POT1: variants seen among roughly 807,000 people sequenced by gnomAD.
POT1 encodes the protein protection of telomeres 1, also known as protection of telomeres protein 1.
POT1 carries 47 observed loss-of-function variants against 78.5 expected under a neutral mutation model. That is an observed-to-expected ratio of 0.60 (90% confidence interval 0.47 to 0.76). The LOEUF is 0.76. Ranked by LOEUF, POT1 falls within the 30% of genes least tolerant of loss-of-function variation. The probability of loss-of-function intolerance (pLI) is 0.00; values close to 1 mark genes in which losing one functional copy is unlikely to be tolerated. For missense variants in POT1, 646 were observed against 749.9 expected (o/e 0.86, Z 1.62); for synonymous variants, 259 against 260.7 (o/e 0.99, Z 0.06).
chr7:124,915,008 C>T (rs1796984106), intron 3 of POT1, among the ~76,000 whole-genome samples: 1 of 152,170 alleles, frequency 6.6e-6, no homozygotes, highest in African/African-American at 2.4e-5. Flanking sequence ...CACATTTCTA[C>T]CTCATATTAC....
intron 5 of POT1, among the ~76,000 whole-genome samples, chr7:124,896,753 AACT>A (rs1008846377): frequency 4.1e-4 from 63 of 151,850 alleles, no homozygotes; most frequent in South Asian, 6.2e-4. Flanking sequence ...AGTATAAGAA[AACT>A]ACTTAAAATT....
Position 124,851,846 on chromosome 7 carries a change from C to T in POT1, c.949+26G>A, listed in dbSNP as rs1351502867. The T allele has an allele frequency of 8.3e-6, 12 of 1,452,856 alleles. No individual in the cohort carries two copies. The South Asian group carries it at 9.2e-5, about 11-fold the overall frequency. 90.0% of individuals were successfully genotyped at this position (1,452,856 alleles called of 1,614,324 possible). ...ACTATTTTATTTAGCAAGAACTAAA[C>T]TGTCAATGTTAAAGATTATCCTTAC... On this transcript the variant is annotated intron_variant, in intron 11 of 18. Coordinates refer to ENST00000357628, the MANE Select transcript of POT1 (RefSeq NM_015450.3).
intron 8 of POT1, among the ~76,000 whole-genome samples, chr7:124,861,886 T>C (rs1795606912): frequency 6.6e-6 from 1 of 152,220 alleles, no homozygotes; most frequent in Non-Finnish European, 1.5e-5. Context: ...CTTGTTTTTG[T>C]CAGGTTTGTC....
chr7:124,845,819 C>G (rs1260048579), intron 12 of POT1, among the ~76,000 whole-genome samples: 1 of 151,864 alleles, frequency 6.6e-6, no homozygotes, highest in Non-Finnish European at 1.5e-5. Context: ...TTATCATCAT[C>G]AACATGGGCT....
At chr7:124,884,868 T>A (rs1286373844) in intron 6 of POT1, among the ~76,000 whole-genome samples, 1 of 152,246 alleles carries the variant, frequency 6.6e-6, no homozygotes, top group East Asian at 1.9e-4. Context: ...TAAGAGCAGA[T>A]AATAAAAACA....
chr7:124,852,020 A>AG, intron 10 of POT1, 69 bp from the exon 11 acceptor site: 1 of 1,034,964 alleles, frequency 9.7e-7, no homozygotes, highest in South Asian at 1.4e-5. Context: ...AGCTCTACCC[A>AG]CAAAATCCAG....
At chr7:124,828,089 C>G (rs1296258123) in intron 16 of POT1, among the ~76,000 whole-genome samples, 1 of 151,868 alleles carries the variant, frequency 6.6e-6, no homozygotes, top group East Asian at 1.9e-4. Context: ...ATAGAAACCA[C>G]AAAAAGTGAT....
chr7:124,858,477 C>A (rs1584769390), intron 9 of POT1, among the ~76,000 whole-genome samples: 1 of 151,932 alleles, frequency 6.6e-6, no homozygotes, highest in Admixed American at 6.6e-5. Flanking sequence ...ACACAGTATA[C>A]ACACACCCAA....
At chr7:124,863,217 C>T in intron 8 of POT1, 133 bp downstream of exon 8, 2 of 866,492 alleles carry the variant, frequency 2.3e-6, no homozygotes, top group Non-Finnish European at 3.5e-6. Flanking sequence ...TGAGGCTCGT[C>T]AAAAATAGTT....
At chr7:124,868,988 C>T (rs1795799955) in intron 7 of POT1, among the ~76,000 whole-genome samples, 1 of 151,850 alleles carries the variant, frequency 6.6e-6, no homozygotes, top group South Asian at 2.1e-4. Context: ...CTGCTGGATA[C>T]AACTAGGGCA....
At chr7:124,882,706 AC>A (rs1473664373) in intron 6 of POT1, among the ~76,000 whole-genome samples, 7 of 151,794 alleles carry the variant, frequency 4.6e-5, no homozygotes, top group Non-Finnish European at 7.4e-5. Flanking sequence ...AATTAAAAAA[AC>A]AGTACTAAAT....
rs1795443565 is a variant in POT1, at chr7:124,856,245, C to T, written c.702+2712G>A. Among the ~76,000 whole-genome samples, 4 of 152,106 alleles carry T rather than the reference C, an allele frequency of 2.6e-5. No homozygotes were observed. In the South Asian group the frequency reaches 8.3e-4, roughly 31 times the overall value. On this transcript the variant is annotated intron_variant, in intron 9 of 18. Transcript: ENST00000357628. ...AGTACCAAGAAGAATTCATTTATAT[C>T]AATGTCACGTGAGTGAAGAGTTCCT... is the stretch of plus-strand genomic sequence containing the variant.
At position 124,823,944 on chromosome 7, in the gene POT1, C is replaced by T. The variant is rs748343587; in HGVS notation, c.*18G>A. On this transcript the variant is annotated 3_prime_UTR_variant, in exon 19 of 19. Coordinates refer to ENST00000357628, the MANE Select transcript of POT1 (RefSeq NM_015450.3). ...GGTGAGTGGCAACATTTTATGTATGCTAAATTGGATGGCAATATTAGATTA... is the reference window on the plus strand; with the variant it reads ...GGTGAGTGGCAACATTTTATGTATGTTAAATTGGATGGCAATATTAGATTA... 4.7e-6 allele frequency: 7 copies of T among 1,487,174 alleles called. No individual in the cohort carries two copies. In the African/African-American group the frequency reaches 8.4e-5, roughly 18 times the overall value. 92.1% of individuals were successfully genotyped at this position (1,487,174 alleles called of 1,614,324 possible).
chr7:124,857,407 G>A (rs1031470121), intron 9 of POT1, among the ~76,000 whole-genome samples: 3 of 152,214 alleles, frequency 2.0e-5, no homozygotes, highest in Admixed American at 6.5e-5. Context: ...TGAAAAGCCT[G>A]ATACCACGGC....
chr7:124,924,000 C>T (rs949913307), intron 2 of POT1, among the ~76,000 whole-genome samples: 2 of 150,866 alleles, frequency 1.3e-5, no homozygotes, highest in Non-Finnish European at 3.0e-5. Context: ...AAGCAAACAA[C>T]GCGGGACTCA....
At chr7:124,824,980 AT>A (rs1209104479) in intron 18 of POT1, among the ~76,000 whole-genome samples, 3 of 152,180 alleles carry the variant, frequency 2.0e-5, no homozygotes. Context: ...TGCTTGTAGC[AT>A]GACAATGTCA....
chr7:124,899,802 A>G (rs1454362378), intron 3 of POT1, among the ~76,000 whole-genome samples: 2 of 152,190 alleles, frequency 1.3e-5, no homozygotes, highest in Non-Finnish European at 2.9e-5. Context: ...AAAAGTAAAT[A>G]TTATACACCA....
Position 124,889,800 on chromosome 7 carries a change from C to T in POT1, c.124+2466G>A, listed in dbSNP as rs116425419. On this transcript the variant is annotated intron_variant, in intron 6 of 18. Transcript: ENST00000357628. ...GAATACTTTAAGCCCAACGTTGAGA[C>T]GTACTGCTCAGCAAAAAAGATTCTT... Among the ~76,000 whole-genome samples the T allele has an allele frequency of 8.5e-3, 1,298 of 152,066 alleles. 15 individuals carry two copies. The highest frequency in any genetic ancestry group is 0.029 in the African/African-American group (1,219 of 41,502).
At chr7:124,827,753 C>T (rs1471901755) in intron 16 of POT1, among the ~76,000 whole-genome samples, 3 of 152,084 alleles carry the variant, frequency 2.0e-5, no homozygotes, top group African/African-American at 7.2e-5. Flanking sequence ...AATAAGTTGA[C>T]ACCCTCACAC....
Sources: allele counts gnomAD v4.1 joint callset (sites outside exome capture counted in the v4.1 genomes callset), GRCh38; gene constraint gnomAD v4.1.1; transcripts MANE v1.5; gene names NCBI Gene and HGNC (gene_info 2026-07-23, HGNC 2026-07-21).